Variants in PHF8 observed in about 807,000 individuals in gnomAD.
PHF8 encodes PHD finger protein 8.
A neutral mutation model predicts 74.4 loss-of-function variants in PHF8; 9 were observed. The observed-to-expected ratio is 0.12, with a 90% CI of 0.07 to 0.21. The LOEUF (loss-of-function observed/expected upper bound fraction) is 0.21. PHF8 is among the 10% of genes least tolerant of loss of function. The pLI, the probability that PHF8 is intolerant of heterozygous loss-of-function variation, is 1.00. For missense variants in PHF8, 478 were observed against 816.6 expected, an observed-to-expected ratio of 0.59 and a Z score of 5.05; for synonymous variants, 311 against 316.6, an observed-to-expected ratio of 0.98 and a Z score of 0.19.
intron 18 of PHF8, among the ~76,000 whole-genome samples, chrX:53,984,087 C>T (rs782597623): frequency 1.8e-5 from 2 of 112,390 alleles, no homozygotes; most frequent in South Asian, 3.6e-4. Context: ...AATGGCCGGG[C>T]GCGATGGCTC....
chrX:53,944,056 C>A (rs1455427255), intron 20 of PHF8, 78 bp downstream of exon 20: 7 of 590,310 alleles, frequency 1.2e-5, no homozygotes, highest in Non-Finnish European at 2.0e-5. Context: ...GGGATCCTAT[C>A]AGCCTGCAGG....
chrX:54,020,538 T>C (rs1442377242), intron 4 of PHF8, among the ~76,000 whole-genome samples: 2 of 111,472 alleles, frequency 1.8e-5, no homozygotes, highest in Non-Finnish European at 3.8e-5. Context: ...TACAGAACAA[T>C]ATATAGTTGT....
At chrX:54,037,175 C>A (rs1442625205) in intron 2 of PHF8, among the ~76,000 whole-genome samples, 5 of 111,465 alleles carry the variant, frequency 4.5e-5, no homozygotes, top group Non-Finnish European at 9.4e-5. Context: ...AAAGCTTGTT[C>A]TTTGAAAAGA....
Position 54,017,767 on chromosome X carries a change from C to G in PHF8, c.348G>C (p.Leu116=). The G allele has an allele frequency of 8.3e-7, 1 of 1,209,733 alleles. No homozygotes were observed. Among genetic ancestry groups the G allele is most frequent in the South Asian group, 1.8e-5 (1 of 56,944 alleles). ...TGGGCACACTGAAGCTATTTTCTTC[C>G]AGGAATTCCACGGTCAGTTGATTTC... ...PTGNQLTVEF[L]EENSFSVPIL... The change falls in exon 5 of 22, where the codon CTG becomes CTC. Residue 116 remains leucine, a synonymous_variant. Coordinates refer to ENST00000338154, the MANE Select transcript of PHF8 (RefSeq NM_015107.3).
chrX:53,949,811 CAAAAAAA>C (rs11353359), intron 19 of PHF8, among the ~76,000 whole-genome samples: 2 of 24,349 alleles, frequency 8.2e-5, no homozygotes, highest in Non-Finnish European at 1.6e-4. Flanking sequence ...GACTCCGTCT[CAAAAAAA>C]AAAAAAAAAA....
intron 5 of PHF8, 123 bp from the exon 6 acceptor site, chrX:54,016,859 A>G (rs1043200383): frequency 1.8e-6 from 1 of 546,518 alleles, no homozygotes; most frequent in Admixed American, 2.8e-5. Flanking sequence ...CACTGTACAT[A>G]TATGTGTGTG....
chrX:54,016,303 G>A (rs2066068071), intron 6 of PHF8, among the ~76,000 whole-genome samples: 3 of 110,482 alleles, frequency 2.7e-5, no homozygotes, highest in Non-Finnish European at 5.7e-5. Flanking sequence ...AGACCAGCCT[G>A]GCCAACATGG....
chrX:53,952,471 T>C (rs1246518204), intron 19 of PHF8, among the ~76,000 whole-genome samples: 1 of 111,698 alleles, frequency 9.0e-6, no homozygotes, highest in Admixed American at 9.5e-5. Flanking sequence ...CATAAAGCAA[T>C]TACTATAACC....
chrX:54,040,066 G>T (rs999472403), intron 2 of PHF8: 1 of 112,038 alleles, frequency 8.9e-6, no homozygotes, highest in Non-Finnish European at 1.9e-5. Flanking sequence ...ACAACAAGCA[G>T]GTCTCACTAT....
intron 18 of PHF8, among the ~76,000 whole-genome samples, chrX:53,984,292 G>A (rs2065525437): frequency 8.9e-6 from 1 of 111,783 alleles, no homozygotes; most frequent in Non-Finnish European, 1.9e-5. Context: ...CTTGAACCCA[G>A]GAGGCGGAGG....
intron 2 of PHF8, among the ~76,000 whole-genome samples, chrX:54,042,258 G>A (rs2066569568): frequency 9.2e-6 from 1 of 108,240 alleles, no homozygotes; most frequent in African/African-American, 3.4e-5. Flanking sequence ...CCGAGATCGC[G>A]CCATTGCACT....
rs1428807652 is a variant in PHF8 at position 53,961,487 on chromosome X, C to T, written c.2539+1357G>A. 4.5e-5 allele frequency among the ~76,000 whole-genome samples: 5 copies of T among 110,767 alleles called. No homozygotes were observed. The Admixed American group carries it at 4.8e-4, about 11-fold the overall frequency. On this transcript the variant is annotated intron_variant, in intron 19 of 21. Coordinates refer to ENST00000338154, the MANE Select transcript of PHF8 (RefSeq NM_015107.3). ...GGATTATAGGCGCCCGCCACCATTC[C>T]CGGCTGATTTTCTATTTTTAGTAGA... is the stretch of plus-strand genomic sequence containing the variant.
chrX:53,987,201 A>G (rs782395336), intron 15 of PHF8, 38 bp from the exon 16 acceptor site: 1 of 918,968 alleles, frequency 1.1e-6, no homozygotes. Context: ...TGAAGCTATG[A>G]TTAGCATTTC....
chrX:54,003,638 C>A (rs2065857771), intron 8 of PHF8, among the ~76,000 whole-genome samples: 1 of 112,093 alleles, frequency 8.9e-6, no homozygotes, highest in African/African-American at 3.2e-5. Context: ...GCCTCAGCGA[C>A]AGGCATGAGC....
chrX:53,988,653 G>A (rs138775551), intron 14 of PHF8, among the ~76,000 whole-genome samples: 1,554 of 93,797 alleles, frequency 0.017, 36 homozygotes, highest in African/African-American at 0.059. Flanking sequence ...ACAGAGTCTC[G>A]CTCTGTCACC....
chrX:53,983,950 CAA>C (rs1422581954), intron 18 of PHF8, among the ~76,000 whole-genome samples: 1 of 112,447 alleles, frequency 8.9e-6, no homozygotes, highest in East Asian at 2.8e-4. Flanking sequence ...AAAATGATGA[CAA>C]AGGTTATCTT....
At chrX:53,978,698 T>C (rs1186023046) in intron 18 of PHF8, among the ~76,000 whole-genome samples, 1 of 106,225 alleles carries the variant, frequency 9.4e-6, no homozygotes, top group Non-Finnish European at 1.9e-5. Flanking sequence ...CTCAGGAGGC[T>C]GAGGCAGGAG....
At chrX:54,010,708 C>T (rs1329554323) in intron 8 of PHF8, among the ~76,000 whole-genome samples, 3 of 111,117 alleles carry the variant, frequency 2.7e-5, no homozygotes, top group Admixed American at 9.6e-5. Flanking sequence ...TCAGATCCCA[C>T]CCAAGACCTA....
At chrX:53,977,708 G>A (rs2065403310) in intron 18 of PHF8, among the ~76,000 whole-genome samples, 1 of 106,324 alleles carries the variant, frequency 9.4e-6, no homozygotes, top group Non-Finnish European at 1.9e-5. Flanking sequence ...GTGCAGTGGT[G>A]CGATCTCGGC....
Sources: gnomAD v4.1 joint callset for allele counts (sites outside exome capture counted in the v4.1 genomes callset) on GRCh38, gnomAD v4.1.1 for gene constraint, MANE v1.5 for transcripts, NCBI Gene and HGNC (gene_info 2026-07-23, HGNC 2026-07-21) for gene names.